The following CSMD1 variants were observed in gnomAD, a reference collection of about 807,000 sequenced individuals.
CSMD1 encodes CUB and sushi domain-containing protein 1.
CSMD1 carries 213 observed loss-of-function variants against 417.5 expected under a neutral mutation model. That is an observed-to-expected ratio of 0.51 (90% CI 0.46 to 0.57). The LOEUF (loss-of-function observed/expected upper bound fraction) is 0.57. Ranked by LOEUF, CSMD1 falls within the 20% of genes least tolerant of loss-of-function variation. CSMD1 has a pLI of 0.00. For missense variants in CSMD1, 6,923 were observed against 4,529.7 expected (o/e 1.53, Z -15.17); for synonymous variants, 2,862 against 1,736.8 (o/e 1.65, Z -16.11).
chr8:4,712,033 G>T (rs558740103), intron 1 of CSMD1, among the ~76,000 whole-genome samples: 2 of 152,260 alleles, frequency 1.3e-5, no homozygotes, highest in South Asian at 4.1e-4. Context: ...ATCTAGAAGA[G>T]ATTTTCTCAG....
At position 4,266,404 on chromosome 8, in the gene CSMD1, A is replaced by C. The variant is rs1804227144; in HGVS notation, c.415+153549T>G. ...TGAAAATATTAATATAGTTCATTTT[A>C]TGTGTAATAATGTGATTTCATTATA... On this transcript the variant is annotated intron_variant, in intron 3 of 69. Coordinates refer to ENST00000635120, the MANE Select transcript of CSMD1 (RefSeq NM_033225.6). 1.9e-5 allele frequency among the ~76,000 whole-genome samples: 2 copies of C among 105,204 alleles called. 1 individual carries two copies. Among genetic ancestry groups the C allele is most frequent in the African/African-American group, 5.2e-5 (2 of 38,500 alleles). 69.0% of individuals were successfully genotyped at this position (105,204 alleles called of 152,430 possible).
intron 1 of CSMD1, among the ~76,000 whole-genome samples, chr8:4,954,020 C>A (rs1326602457): frequency 6.6e-6 from 1 of 152,046 alleles, no homozygotes; most frequent in Non-Finnish European, 1.5e-5. Context: ...GTTACCCTTC[C>A]CACCCACCTG....
At chr8:3,550,670 G>A (rs1187610347) in intron 10 of CSMD1, among the ~76,000 whole-genome samples, 1 of 152,092 alleles carries the variant, frequency 6.6e-6, no homozygotes, top group Non-Finnish European at 1.5e-5. Flanking sequence ...TTCCTTAGCT[G>A]CTATGACACC....
chr8:3,018,610 G>C lies in CSMD1; in HGVS notation c.7896C>G (p.Asn2632Lys), dbSNP rs780113291. 14 of 1,612,748 alleles carry C rather than the reference G, an allele frequency of 8.7e-6. No homozygotes were observed. Among genetic ancestry groups the C allele is most frequent in the Non-Finnish European group, 1.2e-5 (14 of 1,179,510 alleles). ...CGSLSFPPNGNKIGTLTVYGA... is the reference protein window; with the variant it reads ...CGSLSFPPNGKKIGTLTVYGA... ...CATAAACTGTCAACGTTCCAATCTT[G>C]TTGCCATTTGGGGGAAAGGAAAGGC... The change falls in exon 52 of 70, where the codon AAC becomes AAG. Residue 2632 changes from asparagine (N) to lysine (K), a missense_variant. Transcript: ENST00000635120.
At chr8:4,601,686 A>T (rs1800593429) in intron 2 of CSMD1, among the ~76,000 whole-genome samples, 1 of 152,168 alleles carries the variant, frequency 6.6e-6, no homozygotes, top group African/African-American at 2.4e-5. Flanking sequence ...TCATCATGCA[A>T]TGAGGGGATC....
At chr8:4,121,380 G>T (rs891366535) in intron 3 of CSMD1, among the ~76,000 whole-genome samples, 18 of 152,122 alleles carry the variant, frequency 1.2e-4, no homozygotes, top group African/African-American at 4.3e-4. Flanking sequence ...CTCCCAAAGG[G>T]CTGGGATTAC....
intron 1 of CSMD1, among the ~76,000 whole-genome samples, chr8:4,974,147 G>C (rs887745520): frequency 2.7e-4 from 41 of 151,624 alleles, no homozygotes; most frequent in Non-Finnish European, 4.4e-4. Context: ...CTCCCGAGTA[G>C]CTGAGATTAC....
chr8:4,644,079 G>A (rs889848928), intron 1 of CSMD1, among the ~76,000 whole-genome samples: 1 of 152,176 alleles, frequency 6.6e-6, no homozygotes, highest in East Asian at 1.9e-4. Context: ...AGAGAGCCAA[G>A]GAATCGATTT....
chr8:4,487,708 A>C (rs531101011), intron 2 of CSMD1, among the ~76,000 whole-genome samples: 1 of 152,238 alleles, frequency 6.6e-6, no homozygotes, highest in Non-Finnish European at 1.5e-5. Flanking sequence ...TTTTGCCAAA[A>C]TGCCTGTTTA....
chr8:4,430,983 C>A (rs915707522), intron 2 of CSMD1, among the ~76,000 whole-genome samples: 1 of 152,054 alleles, frequency 6.6e-6, no homozygotes, highest in Non-Finnish European at 1.5e-5. Context: ...TCTTTTCTCC[C>A]CTCAGTTATG....
chr8:4,289,601 G>A (rs1018958981), intron 3 of CSMD1, among the ~76,000 whole-genome samples: 1 of 152,186 alleles, frequency 6.6e-6, no homozygotes, highest in East Asian at 1.9e-4. Context: ...AGTGACGATG[G>A]TGCCGTGGAT....
intron 1 of CSMD1, among the ~76,000 whole-genome samples, chr8:4,940,776 G>C (rs1352414215): frequency 6.6e-6 from 1 of 152,134 alleles, no homozygotes; most frequent in Non-Finnish European, 1.5e-5. Flanking sequence ...TAGAAAATGA[G>C]GGGGCAAAAA....
chr8:3,996,366 G>C (rs1253782597), intron 5 of CSMD1, among the ~76,000 whole-genome samples: 4 of 152,114 alleles, frequency 2.6e-5, no homozygotes, highest in South Asian at 2.1e-4. Flanking sequence ...ACTAGGAAGA[G>C]GTGAGATCAC....
At chr8:3,257,867 C>G (rs559285230) in intron 26 of CSMD1, among the ~76,000 whole-genome samples, 1 of 152,004 alleles carries the variant, frequency 6.6e-6, no homozygotes, top group South Asian at 2.1e-4. Flanking sequence ...ACTCAGTGAT[C>G]CAGGGGCCAT....
chr8:3,252,100 T>C (rs923695313), intron 26 of CSMD1, among the ~76,000 whole-genome samples: 3 of 152,244 alleles, frequency 2.0e-5, no homozygotes, highest in African/African-American at 7.2e-5. Context: ...AACACTATGT[T>C]GAATAGTAGT....
chr8:3,862,535 C>T (rs982192263), intron 5 of CSMD1, among the ~76,000 whole-genome samples: 1 of 152,174 alleles, frequency 6.6e-6, no homozygotes, highest in African/African-American at 2.4e-5. Flanking sequence ...ATAAAATTCA[C>T]CTTTTCTTTG....
At chr8:4,688,836 T>C (rs1047681864) in intron 1 of CSMD1, among the ~76,000 whole-genome samples, 2 of 152,210 alleles carry the variant, frequency 1.3e-5, no homozygotes, top group East Asian at 1.9e-4. Flanking sequence ...TCTGATGTGA[T>C]GCCTGTTGTA....
chr8:3,516,263 T>C (rs79754341), intron 10 of CSMD1, among the ~76,000 whole-genome samples: 6,627 of 152,270 alleles, frequency 0.044, 475 homozygotes, highest in African/African-American at 0.15. Context: ...CAGCTGTGCA[T>C]AGGTATGGAG....
At chr8:4,992,207 C>G (rs1004691041) in intron 1 of CSMD1, among the ~76,000 whole-genome samples, 1 of 152,150 alleles carries the variant, frequency 6.6e-6, no homozygotes, top group Admixed American at 6.5e-5. Flanking sequence ...CGCCCACTAC[C>G]TGGCCCTCCA....
Sources: gnomAD v4.1 joint callset for allele counts (sites outside exome capture counted in the v4.1 genomes callset) on GRCh38, gnomAD v4.1.1 for gene constraint, MANE v1.5 for transcripts, NCBI Gene and HGNC (gene_info 2026-07-23, HGNC 2026-07-21) for gene names.